SMC4: variants seen among roughly 807,000 people sequenced by gnomAD.
SMC4 encodes structural maintenance of chromosomes protein 4.
In SMC4, 87 loss-of-function variants were observed where a neutral mutation model predicts 145.6. The observed-to-expected ratio is 0.60, with a 90% CI of 0.50 to 0.71. The LOEUF is 0.71. Among genes scored for constraint, SMC4 ranks in the 30% least tolerant of loss-of-function variants. The pLI, the probability that SMC4 is intolerant of heterozygous loss-of-function variation, is 0.00. For missense variants in SMC4, 1,447 were observed against 1,537.1 expected, an observed-to-expected ratio of 0.94 and a Z score of 0.98; for synonymous variants, 558 against 500.7, an observed-to-expected ratio of 1.11 and a Z score of -1.53.
In SMC4 at chr3:160,431,706, C is replaced by T. The variant is rs546406045; in HGVS notation, c.3178C>T (p.Pro1060Ser). 6.2e-7 allele frequency: 1 copy of T among 1,613,212 alleles called. No individual in the cohort carries two copies. Among genetic ancestry groups the T allele is most frequent in the South Asian group, 1.1e-5 (1 of 90,882 alleles). ...TATTGAAGAGATTTCGGTTCTAAGCCCAGAGGATCTTGAAGCGATCAAGAA... is the reference window on the plus strand; with the variant it reads ...TATTGAAGAGATTTCGGTTCTAAGCTCAGAGGATCTTGAAGCGATCAAGAA... The part of the protein sequence containing the change: ...NPIEEISVLS[P>S]EDLEAIKNPD... Residue 1060 changes from proline (P) to serine (S), a missense_variant, in exon 21 of 24, where the codon CCA (proline) becomes TCA (serine). By Grantham distance (74) the Pro-to-Ser change is moderately conservative. Transcript: ENST00000357388.
chr3:160,411,984 T>G lies in SMC4; in HGVS notation c.752T>G (p.Leu251Arg). The change falls in exon 6 of 24, where the codon CTT becomes CGT. Residue 251 changes from leucine to arginine, a missense_variant. By Grantham distance (102) the Leu-to-Arg change is moderately radical (BLOSUM62 -2). Coordinates refer to ENST00000357388, the MANE Select transcript of SMC4 (RefSeq NM_001002800.3). ...CAGACTGAACACGATGAGGGTATGC[T>G]TGAATATTTAGAAGATATAATTGGT... is the stretch of plus-strand genomic sequence containing the variant. ...KGQTEHDEGM[L>R]EYLEDIIGCG... is the part of the protein sequence containing the mutation. 6.2e-7 allele frequency: 1 copy of G among 1,613,698 alleles called. No individual in the cohort carries two copies. The highest frequency in any genetic ancestry group is 8.5e-7 in the Non-Finnish European group (1 of 1,179,788).
At chr3:160,424,508 T>G (rs1172617802) in intron 15 of SMC4, among the ~76,000 whole-genome samples, 2 of 152,158 alleles carry the variant, frequency 1.3e-5, no homozygotes, top group Non-Finnish European at 2.9e-5. Flanking sequence ...TGTTCTGGTC[T>G]TTAAGATCAG....
In SMC4 at chr3:160,431,094, A is replaced by G; in HGVS notation, c.3003A>G (p.Gln1001=). ...TGCTTCAAGAATTAAAAGTTATTCA[A>G]GAAAATGAACATGCTCTTCAAAAAG... ...RNLLQELKVI[Q]ENEHALQKDA... is the part of the protein sequence containing the mutation. Residue 1001 remains glutamine, a synonymous_variant, in exon 20 of 24, where the codon CAA becomes CAG. Transcript: ENST00000357388. 1 of 1,608,466 alleles carries G rather than the reference A, an allele frequency of 6.2e-7. No homozygotes were observed. The highest frequency in any genetic ancestry group is 8.5e-7 in the Non-Finnish European group (1 of 1,178,572).
At chr3:160,418,012 A>G in intron 11 of SMC4, 56 bp downstream of exon 11, 2 of 1,445,940 alleles carry the variant, frequency 1.4e-6, no homozygotes, top group Non-Finnish European at 1.9e-6. Context: ...TCAGCTTTAT[A>G]CATTTTTGTT....
chr3:160,417,784 A>G lies in SMC4; in HGVS notation c.1499A>G (p.Asp500Gly), dbSNP rs559103301. ...GTAAATGAAGCACGTTCAAAGATGG[A>G]TGTAGCCCAGTCAGAACTTGATATC... ...KSVNEARSKM[D>G]VAQSELDIYL... The change falls in exon 11 of 24, where the codon GAT (aspartate) becomes GGT (glycine). Residue 500 changes from aspartate to glycine, a missense_variant. By Grantham distance (94) the Asp-to-Gly change is moderately conservative. Coordinates refer to ENST00000357388, the MANE Select transcript of SMC4 (RefSeq NM_001002800.3). The G allele has an allele frequency of 2.5e-6, 4 of 1,613,600 alleles. No individual in the cohort carries two copies. The African/African-American group carries it at 4.0e-5, about 16-fold the overall frequency.
intron 16 of SMC4, 93 bp downstream of exon 16, chr3:160,425,112 A>C: frequency 7.0e-7 from 1 of 1,436,358 alleles, no homozygotes; most frequent in Non-Finnish European, 9.2e-7. Context: ...TTTGCTTACA[A>C]TTTATTAAAT....
intron 13 of SMC4, among the ~76,000 whole-genome samples, chr3:160,421,106 A>G (rs1451125061): frequency 6.6e-6 from 1 of 151,054 alleles, no homozygotes; most frequent in Non-Finnish European, 1.5e-5. Flanking sequence ...ATTTTTTTGT[A>G]TTTTCAGTAG....
At chr3:160,409,265 CAAAAAAAAAA>C (rs10547167) in intron 5 of SMC4, among the ~76,000 whole-genome samples, 128 of 61,980 alleles carry the variant, frequency 2.1e-3, no homozygotes, top group African/African-American at 6.6e-3. Flanking sequence ...AACTCCGTCT[CAAAAAAAAAA>C]AAAAAAAAAA....
At chr3:160,401,524 A>G (rs896076157) in intron 2 of SMC4, among the ~76,000 whole-genome samples, 1 of 152,202 alleles carries the variant, frequency 6.6e-6, no homozygotes, top group African/African-American at 2.4e-5. Context: ...CCAGGTGCTC[A>G]GCGGTACGGA....
At position 160,428,838 on chromosome 3, in the gene SMC4, T is replaced by C. The variant is rs763435539; in HGVS notation, c.2691T>C (p.His897=). The C allele has an allele frequency of 6.2e-7, 1 of 1,607,212 alleles. No individual in the cohort carries two copies. Among genetic ancestry groups the C allele is most frequent in the Non-Finnish European group, 8.5e-7 (1 of 1,178,636 alleles). The change falls in exon 18 of 24, where the codon CAT becomes CAC. Residue 897 remains histidine, a synonymous_variant. Transcript: ENST00000357388. The part of the protein sequence containing the change: ...LHNTIVEINN[H]KLKAQQDKLD... ...ATACCATCGTAGAAATCAATAATCA[T>C]AAACTCAAGGCCCAACAAGACAAAC...
At chr3:160,399,776 T>A (rs559538861) in intron 1 of SMC4, 27 bp downstream of exon 1, 2 of 152,536 alleles carry the variant, frequency 1.3e-5, no homozygotes, top group African/African-American at 2.4e-5. Context: ...CCTGGTCAGG[T>A]TGTCACGCTC....
At chr3:160,415,556 C>T (rs56051094) in intron 9 of SMC4, among the ~76,000 whole-genome samples, 22,091 of 152,162 alleles carry the variant, frequency 0.15, 2,120 homozygotes, top group Non-Finnish European at 0.21. Flanking sequence ...TGTATTTGTT[C>T]ACAAAATACT....
intron 22 of SMC4, 36 bp downstream of exon 22, chr3:160,432,551 A>T: frequency 7.9e-7 from 1 of 1,258,780 alleles, no homozygotes; most frequent in Non-Finnish European, 1.1e-6. Flanking sequence ...TCCCACTGTT[A>T]CCTTTTTCTA....
intron 10 of SMC4, 21 bp downstream of exon 10, chr3:160,416,436 A>G (rs550216009): frequency 2.9e-6 from 4 of 1,401,180 alleles, no homozygotes; most frequent in South Asian, 3.4e-5. Flanking sequence ...TTTTTTTATC[A>G]GTGTTTATTT....
At position 160,413,582 on chromosome 3, in the gene SMC4, G is replaced by A; in HGVS notation, c.1090G>A (p.Ala364Thr). ...KSNILSNEMK[A>T]KNKDVKDTEK... is the part of the protein sequence containing the mutation. The stretch of plus-strand genomic sequence containing the variant: ...CAATATACTATCAAATGAAATGAAA[G>A]CTAAGAATAAAGATGTAAAAGATAC... Residue 364 changes from alanine to threonine, a missense_variant, in exon 8 of 24, where the codon GCT becomes ACT. By Grantham distance (58) the Ala-to-Thr change is moderately conservative (BLOSUM62 0). Transcript: ENST00000357388. 6.8e-7 allele frequency: 1 copy of A among 1,462,280 alleles called. No homozygotes were observed. The highest frequency in any genetic ancestry group is 9.3e-7 in the Non-Finnish European group (1 of 1,069,902). 90.6% of individuals were successfully genotyped at this position (1,462,280 alleles called of 1,614,324 possible). A position where few individuals can be genotyped will look rare whatever the true frequency, so the allele number is the denominator to read the frequency against.
At chr3:160,406,753 A>G (rs1161189684) in intron 5 of SMC4, among the ~76,000 whole-genome samples, 1 of 152,184 alleles carries the variant, frequency 6.6e-6, no homozygotes, top group Non-Finnish European at 1.5e-5. Flanking sequence ...TCGCTTAGCA[A>G]ATTTTTCAAG....
chr3:160,432,348 A>G lies in SMC4; in HGVS notation c.3363A>G (p.Arg1121=), dbSNP rs1267614229. Residue 1121 remains arginine (R), a synonymous_variant, in exon 22 of 24, where the codon AGA becomes AGG. Transcript: ENST00000357388. ...DKITYERDSF[R]QAYEDLRKQR... is the part of the protein sequence containing the mutation. ...TTACTTATGAAAGAGACAGTTTTAGACAGGCATATGAAGATCTTCGGAAAC... is the reference window on the plus strand; with the variant it reads ...TTACTTATGAAAGAGACAGTTTTAGGCAGGCATATGAAGATCTTCGGAAAC... 6.2e-7 allele frequency: 1 copy of G among 1,613,962 alleles called. No homozygotes were observed. Among genetic ancestry groups the G allele is most frequent in the Non-Finnish European group, 8.5e-7 (1 of 1,179,944 alleles).
At chr3:160,407,061 AT>A (rs1342159870) in intron 5 of SMC4, among the ~76,000 whole-genome samples, 1 of 152,188 alleles carries the variant, frequency 6.6e-6, no homozygotes, top group Non-Finnish European at 1.5e-5. Context: ...ACTATGACTT[AT>A]AAATTAGGGG....
chr3:160,400,766 G>C, intron 1 of SMC4, 56 bp from the exon 2 acceptor site: 7 of 1,425,444 alleles, frequency 4.9e-6, no homozygotes, highest in Non-Finnish European at 6.4e-6. Context: ...CGGGTGGGGC[G>C]GGCGCGGTGT....
Sources: gnomAD v4.1 joint callset for allele counts (sites outside exome capture counted in the v4.1 genomes callset) on GRCh38, gnomAD v4.1.1 for gene constraint, MANE v1.5 for transcripts, NCBI Gene and HGNC (gene_info 2026-07-23, HGNC 2026-07-21) for gene names.